The following RGS7BP variants were observed in gnomAD, a reference collection of about 807,000 sequenced individuals.
The protein encoded by RGS7BP is regulator of G protein signaling 7 binding protein.
RGS7BP carries 9 observed loss-of-function variants against 31.3 expected under a neutral mutation model. That is an observed-to-expected ratio of 0.29 (90% CI 0.17 to 0.50). The LOEUF is 0.50. Ranked by LOEUF, RGS7BP falls within the 20% of genes least tolerant of loss-of-function variation. RGS7BP has a pLI of 0.98. For synonymous variants in RGS7BP, 115 were observed against 120.1 expected (o/e 0.96, Z 0.28); for missense variants, 274 against 322.0 (o/e 0.85, Z 1.14).
chr5:64,552,689 C>G (rs1741824441), intron 2 of RGS7BP, among the ~76,000 whole-genome samples: 1 of 152,146 alleles, frequency 6.6e-6, no homozygotes, highest in South Asian at 2.1e-4. Context: ...GTAAATGTTG[C>G]TATTTTCTTT....
chr5:64,593,212 T>C (rs1414877501), intron 3 of RGS7BP, among the ~76,000 whole-genome samples: 1 of 152,216 alleles, frequency 6.6e-6, no homozygotes, highest in Non-Finnish European at 1.5e-5. Context: ...CCACTATAGG[T>C]TGGTGAAAGG....
chr5:64,534,015 A>G (rs2111789672), intron 2 of RGS7BP, among the ~76,000 whole-genome samples: 1 of 152,356 alleles, frequency 6.6e-6, no homozygotes, highest in South Asian at 2.1e-4. Flanking sequence ...TAAGGACAGT[A>G]ATAGAAAAAG....
At chr5:64,592,389 G>A (rs1742942421) in intron 3 of RGS7BP, among the ~76,000 whole-genome samples, 1 of 152,096 alleles carries the variant, frequency 6.6e-6, no homozygotes, top group Admixed American at 6.6e-5. Context: ...CAAGCCCATA[G>A]GGCTGTTTCA....
rs1044496595 is a variant in RGS7BP at position 64,603,685 on chromosome 5, G to A, written c.682+5250G>A. 4.1e-4 allele frequency among the ~76,000 whole-genome samples: 62 copies of A among 152,224 alleles called. 1 individual carries two copies. The highest frequency in any genetic ancestry group is 1.4e-3 in the African/African-American group (56 of 41,464). The stretch of plus-strand genomic sequence containing the variant: ...TTTAACAACAAGGTAGTCACTTGTG[G>A]TGTTGGCAAAAACAGCTTTCTTGGA... On this transcript the variant is annotated intron_variant, in intron 5 of 5. Transcript: ENST00000334025.
intron 3 of RGS7BP, among the ~76,000 whole-genome samples, chr5:64,589,393 T>A (rs1742848508): frequency 6.6e-6 from 1 of 152,118 alleles, no homozygotes; most frequent in South Asian, 2.1e-4. Flanking sequence ...TGATAATACT[T>A]AGCATCATGA....
chr5:64,515,908 T>C (rs974641734), intron 2 of RGS7BP, among the ~76,000 whole-genome samples: 1 of 151,992 alleles, frequency 6.6e-6, no homozygotes, highest in African/African-American at 2.4e-5. Flanking sequence ...CAAGCAATCA[T>C]TGTGCATCAG....
At position 64,594,869 on chromosome 5, in the gene RGS7BP, G is replaced by T; in HGVS notation, c.611+12G>T. 1 of 1,612,566 alleles carries T rather than the reference G, an allele frequency of 6.2e-7. No individual in the cohort carries two copies. The highest frequency in any genetic ancestry group is 8.5e-7 in the Non-Finnish European group (1 of 1,178,848). On this transcript the variant is annotated intron_variant, in intron 4 of 5. Coordinates refer to ENST00000334025, the MANE Select transcript of RGS7BP (RefSeq NM_001029875.3). The stretch of plus-strand genomic sequence containing the variant: ...GAGAACACTGAAAGGTAAGTGGGAA[G>T]TTACCCTGAATAGACTGCCAATCCT...
intron 3 of RGS7BP, among the ~76,000 whole-genome samples, chr5:64,590,081 T>G (rs1247087112): frequency 6.6e-6 from 1 of 151,962 alleles, no homozygotes; most frequent in Non-Finnish European, 1.5e-5. Flanking sequence ...CAAATTGTAT[T>G]GAATCATATT....
chr5:64,535,356 A>G (rs956493583), intron 2 of RGS7BP, among the ~76,000 whole-genome samples: 2 of 152,190 alleles, frequency 1.3e-5, no homozygotes, highest in Admixed American at 6.5e-5. Flanking sequence ...CTCAGCTTAA[A>G]TATACTCAGT....
chr5:64,608,410 G>C (rs923997165), intron 5 of RGS7BP, among the ~76,000 whole-genome samples: 20 of 151,890 alleles, frequency 1.3e-4, no homozygotes, highest in African/African-American at 4.8e-4. Context: ...TCAACAGCTG[G>C]CAGTCTTCTA....
At chr5:64,517,444 T>TA in intron 2 of RGS7BP, among the ~76,000 whole-genome samples, 1 of 152,342 alleles carries the variant, frequency 6.6e-6, no homozygotes, top group East Asian at 1.9e-4. Context: ...CTGGATTTTT[T>TA]ACCACTTAAC....
chr5:64,538,546 C>CTTTTTTTTTTTTTTTTCTTTTTTT (rs1741443057), intron 2 of RGS7BP, among the ~76,000 whole-genome samples: 3 of 40,026 alleles, frequency 7.5e-5, no homozygotes, highest in African/African-American at 2.2e-4. Flanking sequence ...TTTTCCTTTT[C>CTTTTTTTTTTTTTTTTCTTTTTTT]TTTTTTTTTT....
intron 5 of RGS7BP, among the ~76,000 whole-genome samples, chr5:64,603,292 C>A (rs1343066428): frequency 6.6e-6 from 1 of 152,120 alleles, no homozygotes; most frequent in Non-Finnish European, 1.5e-5. Flanking sequence ...GAGTAAATAA[C>A]GATGTTGGTC....
intron 2 of RGS7BP, among the ~76,000 whole-genome samples, chr5:64,553,071 T>A (rs1488036411): frequency 2.0e-5 from 3 of 152,178 alleles, no homozygotes; most frequent in African/African-American, 7.2e-5. Flanking sequence ...TCTAGTATTC[T>A]TGTTTTTTAG....
rs551799962 is a variant in RGS7BP, at chr5:64,605,021, T to A, written c.683-4140T>A. On this transcript the variant is annotated intron_variant, in intron 5 of 5. Coordinates refer to ENST00000334025, the MANE Select transcript of RGS7BP (RefSeq NM_001029875.3). ...CCTGTCACTCCAAAAATAAATAAAATTTTTTTTAAAAATCTAAAAGAATTA... is the reference window on the plus strand; with the variant it reads ...CCTGTCACTCCAAAAATAAATAAAAATTTTTTTAAAAATCTAAAAGAATTA... Among the ~76,000 whole-genome samples, 9 of 152,010 alleles carry A rather than the reference T, an allele frequency of 5.9e-5. No homozygotes were observed. The South Asian group carries it at 8.3e-4, about 14-fold the overall frequency.
At chr5:64,543,369 G>A (rs1009530686) in intron 2 of RGS7BP, among the ~76,000 whole-genome samples, 1 of 152,152 alleles carries the variant, frequency 6.6e-6, no homozygotes, top group African/African-American at 2.4e-5. Context: ...AGAATTAATT[G>A]GTGCAAAAAC....
At chr5:64,607,249 G>A (rs1267459373) in intron 5 of RGS7BP, among the ~76,000 whole-genome samples, 3 of 152,060 alleles carry the variant, frequency 2.0e-5, no homozygotes, top group Middle Eastern at 6.3e-3. Context: ...ACAGTTTCCT[G>A]AGCATTGTAA....
intron 3 of RGS7BP, among the ~76,000 whole-genome samples, chr5:64,590,590 A>G (rs1580460517): frequency 6.6e-6 from 1 of 152,190 alleles, no homozygotes; most frequent in Non-Finnish European, 1.5e-5. Context: ...CAATACTTAA[A>G]AAATAATCAA....
intron 2 of RGS7BP, among the ~76,000 whole-genome samples, chr5:64,513,393 G>C (rs1311596451): frequency 2.6e-5 from 4 of 151,942 alleles, no homozygotes; most frequent in Non-Finnish European, 4.4e-5. Context: ...GGTGGAGTCT[G>C]TTTTGGTTTT....
Sources: allele counts gnomAD v4.1 joint callset (sites outside exome capture counted in the v4.1 genomes callset), GRCh38; gene constraint gnomAD v4.1.1; transcripts MANE v1.5; gene names NCBI Gene and HGNC (gene_info 2026-07-23, HGNC 2026-07-21).